DACH2: variants seen among roughly 807,000 people sequenced by gnomAD.
DACH2 encodes dachshund homolog 2.
A neutral mutation model predicts 35.8 loss-of-function variants in DACH2; 17 were observed. The ratio of observed to expected loss-of-function variants is 0.48; its 90% CI spans 0.33 to 0.71. The LOEUF (loss-of-function observed/expected upper bound fraction) is 0.71. Ranked by LOEUF, DACH2 falls within the 30% of genes least tolerant of loss-of-function variation. The pLI, the probability that DACH2 is intolerant of heterozygous loss-of-function variation, is 0.02. For synonymous variants in DACH2, 195 were observed against 177.3 expected (o/e 1.10, Z -0.79); for missense variants, 469 against 472.7 (o/e 0.99, Z 0.07).
chrX:86,277,339 A>T (rs1339089078), intron 1 of DACH2, among the ~76,000 whole-genome samples: 1 of 111,775 alleles, frequency 8.9e-6, no homozygotes, highest in Non-Finnish European at 1.9e-5. Flanking sequence ...CTGTTGGCAT[A>T]TACTCAGTTG....
At chrX:86,415,492 A>G (rs898476147) in intron 2 of DACH2, among the ~76,000 whole-genome samples, 15 of 111,882 alleles carry the variant, frequency 1.3e-4, no homozygotes, top group Admixed American at 9.5e-5. Flanking sequence ...CTATTCCTAC[A>G]TCTCAGTTTT....
chrX:86,252,640 A>T (rs969354808), intron 1 of DACH2, among the ~76,000 whole-genome samples: 25 of 111,172 alleles, frequency 2.2e-4, no homozygotes, highest in African/African-American at 8.2e-4. Flanking sequence ...TCTGTCGAAG[A>T]TCAGTTGGCT....
At chrX:86,742,146 T>C (rs1179933191) in intron 7 of DACH2, among the ~76,000 whole-genome samples, 2 of 110,671 alleles carry the variant, frequency 1.8e-5, no homozygotes, top group Non-Finnish European at 1.9e-5. Flanking sequence ...TATATGCACA[T>C]TCCATAGTTG....
At chrX:86,463,627 T>A (rs1347564458) in intron 2 of DACH2, among the ~76,000 whole-genome samples, 1 of 111,387 alleles carries the variant, frequency 9.0e-6, no homozygotes, top group Non-Finnish European at 1.9e-5. Flanking sequence ...AAAGACTTCA[T>A]GACTAAAACA....
chrX:86,579,764 C>T (rs921843686), intron 3 of DACH2, among the ~76,000 whole-genome samples: 2 of 111,974 alleles, frequency 1.8e-5, no homozygotes, highest in African/African-American at 6.5e-5. Context: ...GGTAGATGTT[C>T]CTGTTGGCAT....
chrX:86,721,375 A>T (rs1028790763), intron 6 of DACH2, among the ~76,000 whole-genome samples: 6 of 112,034 alleles, frequency 5.4e-5, no homozygotes, highest in Non-Finnish European at 1.1e-4. Flanking sequence ...TCAAGGTCAA[A>T]GTTCCACAGA....
chrX:86,481,355 A>T (rs1437100744), intron 2 of DACH2, among the ~76,000 whole-genome samples: 1 of 112,072 alleles, frequency 8.9e-6, no homozygotes, highest in Non-Finnish European at 1.9e-5. Flanking sequence ...AGCAGTCAAA[A>T]TGTTTTTATG....
chrX:86,556,756 G>GTATATATATATATA (rs555576117), intron 3 of DACH2, among the ~76,000 whole-genome samples: 3 of 25,452 alleles, frequency 1.2e-4, no homozygotes, highest in Non-Finnish European at 2.0e-4. Flanking sequence ...AATAGGATAT[G>GTATATATATATATA]TATATATATA....
chrX:86,373,368 G>A (rs959402031), intron 1 of DACH2, among the ~76,000 whole-genome samples: 1 of 110,974 alleles, frequency 9.0e-6, no homozygotes, highest in Non-Finnish European at 1.9e-5. Context: ...AAGATCACTG[G>A]CTTAGAGATC....
intron 1 of DACH2, among the ~76,000 whole-genome samples, chrX:86,338,141 G>T (rs895020741): frequency 9.0e-6 from 1 of 111,473 alleles, no homozygotes; most frequent in Non-Finnish European, 1.9e-5. Flanking sequence ...CCCACTGTAA[G>T]TATTAGACAG....
intron 1 of DACH2, among the ~76,000 whole-genome samples, chrX:86,221,008 T>A (rs1202728527): frequency 3.6e-5 from 4 of 111,659 alleles, no homozygotes; most frequent in African/African-American, 1.3e-4. Context: ...TTTCTATAGG[T>A]CAACTTTTCA....
chrX:86,416,874 G>A (rs1449061109), intron 2 of DACH2, among the ~76,000 whole-genome samples: 1 of 109,875 alleles, frequency 9.1e-6, no homozygotes, highest in African/African-American at 3.3e-5. Flanking sequence ...CAAGGTGGGT[G>A]GATCACCTGA....
At chrX:86,239,162 G>A (rs1225009048) in intron 1 of DACH2, among the ~76,000 whole-genome samples, 2 of 111,970 alleles carry the variant, frequency 1.8e-5, no homozygotes, top group Admixed American at 9.5e-5. Context: ...ATGGGATAAA[G>A]CATTCATAGT....
chrX:86,574,157 A>G lies in DACH2; in HGVS notation c.640+59766A>G, dbSNP rs761603532. Among the ~76,000 whole-genome samples the G allele has an allele frequency of 2.4e-3, 271 of 111,519 alleles. 1 individual carries two copies. The highest frequency in any genetic ancestry group is 4.3e-3 in the Non-Finnish European group (228 of 53,004). On this transcript the variant is annotated intron_variant, in intron 3 of 11. Coordinates refer to ENST00000373125, the MANE Select transcript of DACH2 (RefSeq NM_053281.3). ...TTGAAGTTACCCCAAAGAGTAGAGT[A>G]AAACTACTCCTCAAATTGGGTGGAA...
intron 3 of DACH2, among the ~76,000 whole-genome samples, chrX:86,571,403 T>C (rs956753658): frequency 9.1e-6 from 1 of 110,324 alleles, no homozygotes; most frequent in Non-Finnish European, 1.9e-5. Context: ...CCCATTAACT[T>C]GTCATTTAGC....
chrX:86,344,686 C>T (rs1337299846), intron 1 of DACH2, among the ~76,000 whole-genome samples: 2 of 111,088 alleles, frequency 1.8e-5, no homozygotes, highest in Non-Finnish European at 3.8e-5. Context: ...GATGCTTTTG[C>T]CTAAACACCG....
intron 1 of DACH2, among the ~76,000 whole-genome samples, chrX:86,180,155 C>T (rs2031430945): frequency 1.5e-5 from 1 of 67,540 alleles, no homozygotes; most frequent in Non-Finnish European, 2.9e-5. Flanking sequence ...TATTAATGTC[C>T]CCTAGCAACC....
At chrX:86,258,997 T>G (rs1484995087) in intron 1 of DACH2, among the ~76,000 whole-genome samples, 1 of 111,991 alleles carries the variant, frequency 8.9e-6, no homozygotes, top group Non-Finnish European at 1.9e-5. Flanking sequence ...TCTTTCCTTT[T>G]CTTTAAGGAG....
intron 7 of DACH2, among the ~76,000 whole-genome samples, chrX:86,768,910 G>T (rs1170113249): frequency 9.0e-6 from 1 of 110,959 alleles, no homozygotes; most frequent in Non-Finnish European, 1.9e-5. Context: ...GCAATATTTG[G>T]TTTTCTGTTT....
Sources: gnomAD v4.1 joint callset for allele counts (sites outside exome capture counted in the v4.1 genomes callset) on GRCh38, gnomAD v4.1.1 for gene constraint, MANE v1.5 for transcripts, NCBI Gene and HGNC (gene_info 2026-07-23, HGNC 2026-07-21) for gene names.